Variants in LRRC27 observed in about 807,000 individuals in gnomAD.
LRRC27 encodes the protein leucine-rich repeat-containing protein 27.
A neutral mutation model predicts 55.0 loss-of-function variants in LRRC27; 57 were observed. That is an observed-to-expected ratio of 1.04 (90% CI 0.84 to 1.29). The LOEUF (loss-of-function observed/expected upper bound fraction) is 1.29, where lower values mean the gene tolerates loss of function less well. Ranked by LOEUF, LRRC27 falls within the 50% of genes most tolerant of loss-of-function variation. The pLI is 0.00. For synonymous variants in LRRC27, 278 were observed against 251.9 expected (o/e 1.10, Z -0.98); for missense variants, 721 against 651.5 (o/e 1.11, Z -1.16).
intron 1 of LRRC27, among the ~76,000 whole-genome samples, chr10:132,332,787 C>T (rs2066869937): frequency 6.6e-6 from 1 of 152,014 alleles, no homozygotes; most frequent in South Asian, 2.1e-4. Context: ...CCTCATATGC[C>T]AATCATTGGG....
At chr10:132,331,383 G>C, upstream of LRRC27, 1 of 1,542,464 alleles carries the variant, frequency 6.5e-7, no homozygotes. Flanking sequence ...CCTCCCGCCC[G>C]GTGTCATTTC....
At chr10:132,352,784 T>A in intron 7 of LRRC27, 2 of 1,365,570 alleles carry the variant, frequency 1.5e-6, no homozygotes, top group Non-Finnish European at 2.0e-6. Context: ...CCGGTTGCAG[T>A]GCTCGCGGTC....
intron 10 of LRRC27, among the ~76,000 whole-genome samples, chr10:132,368,208 G>A (rs1042085799): frequency 6.6e-6 from 1 of 152,188 alleles, no homozygotes; most frequent in South Asian, 2.1e-4. Flanking sequence ...TAAATGGACA[G>A]ATATTCCATG....
At position 132,364,750 on chromosome 10, in the gene LRRC27, CCACACT is replaced by C. The variant is rs1307259952; in HGVS notation, c.1290-673_1290-668del. On this transcript the variant is annotated intron_variant, in intron 9 of 10. Transcript: ENST00000368614. The stretch of plus-strand genomic sequence containing the variant: ...TCCACACTTACATCTACCTCCACGC[CCACACT>C]TACACTCATGCTTACATCTACCTCC... Among the ~76,000 whole-genome samples the C allele has an allele frequency of 1.4e-4, 16 of 114,694 alleles. No homozygotes were observed. In the South Asian group the frequency reaches 3.8e-3, roughly 27 times the overall value. 75.2% of individuals were successfully genotyped at this position (114,694 alleles called of 152,430 possible). A position where few individuals can be genotyped will look rare whatever the true frequency, so the allele number is the denominator to read the frequency against.
chr10:132,367,154 T>C (rs1483313722), intron 10 of LRRC27: 1 of 257,880 alleles, frequency 3.9e-6, no homozygotes. Flanking sequence ...TTGATAAATT[T>C]AGTGAAATAG....
chr10:132,365,529 G>A lies in LRRC27; in HGVS notation c.1395G>A (p.Lys465=), dbSNP rs1415043726. ...AGGCCCCACTGGAGGAGATGAGGAA[G>A]GCTGCCGAGGATCTGGAAATTGTAA... ...HGQAPLEEMR[K]AAEDLEIATE... The change falls in exon 10 of 11, where the codon AAG becomes AAA. Residue 465 remains lysine (K), a synonymous_variant. Coordinates refer to ENST00000368614, the MANE Select transcript of LRRC27 (RefSeq NM_030626.3). 2 of 1,613,538 alleles carry A rather than the reference G, an allele frequency of 1.2e-6. No homozygotes were observed. Among genetic ancestry groups the A allele is most frequent in the South Asian group, 1.1e-5 (1 of 91,062 alleles).
chr10:132,335,385 T>A (rs557049508), intron 2 of LRRC27: 4 of 125,306 alleles, frequency 3.2e-5, no homozygotes, highest in African/African-American at 1.3e-4. Context: ...ACTATGGGGG[T>A]CACAGTCTTC....
rs183054808 is a variant in LRRC27, at chr10:132,348,815, G to C, written c.926+459G>C. On this transcript the variant is annotated intron_variant, in intron 6 of 10. Transcript: ENST00000368614. The surrounding 1 kb of genome is among the most constrained non-coding windows in gnomAD (Gnocchi z 4.2). ...TTTTACCTGTGAAAAGAGAGGAGTT[G>C]GGGGAAAGGTCAGTTATGCAGAAAA... 31 of 615,770 alleles carry C rather than the reference G, an allele frequency of 5.0e-5. 1 individual carries two copies. The highest frequency in any genetic ancestry group is 3.0e-4 in the East Asian group (11 of 36,258). The allele number at this position is 615,770 out of a possible 1,614,324, so 38.1% of individuals were successfully genotyped here. A position where few individuals can be genotyped will look rare whatever the true frequency, so the allele number is the denominator to read the frequency against.
chr10:132,376,316 G>A lies in LRRC27; in HGVS notation c.*1074G>A, dbSNP rs1348878912. On this transcript the variant is annotated 3_prime_UTR_variant, in exon 11 of 11. Transcript: ENST00000368614. ...CTGCGCCCTGCACTTCGTACTTTCC[G>A]AGAGTTTAACTGGTGCTTAGAGAGA... 2 of 152,230 alleles carry A rather than the reference G, an allele frequency of 1.3e-5. No homozygotes were observed. Among genetic ancestry groups the A allele is most frequent in the Non-Finnish European group, 2.9e-5 (2 of 68,046 alleles). 9.4% of individuals were successfully genotyped at this position (152,230 alleles called of 1,614,324 possible). A position where few individuals can be genotyped will look rare whatever the true frequency, so the allele number is the denominator to read the frequency against.
upstream of LRRC27, among the ~76,000 whole-genome samples, chr10:132,331,200 CAA>C (rs35734065): frequency 0.17 from 9,432 of 55,902 alleles, 450 homozygotes; most frequent in African/African-American, 0.31. Context: ...GACTCCACCT[CAA>C]AAAAAAAAAA....
At chr10:132,353,424 C>T (rs532000627) in intron 7 of LRRC27, 17 of 1,020,746 alleles carry the variant, frequency 1.7e-5, no homozygotes, top group East Asian at 9.0e-5. Context: ...TGTTTTCTCT[C>T]GGGACCATGT....
Position 132,348,274 on chromosome 10 carries a change from C to G in LRRC27, c.844C>G (p.Leu282Val). 1 of 1,614,064 alleles carries G rather than the reference C, an allele frequency of 6.2e-7. No individual in the cohort carries two copies. The highest frequency in any genetic ancestry group is 1.3e-5 in the African/African-American group (1 of 75,044). The part of the protein sequence containing the change: ...HVKADVLGDQ[L>V]LTRELPPNLK... The stretch of plus-strand genomic sequence containing the variant: ...GAAGGCAGACGTTCTGGGAGATCAG[C>G]TCTTGACGAGGGAATTACCTCCAAA... The change falls in exon 6 of 11, where the codon CTC becomes GTC. Residue 282 changes from leucine (L) to valine (V), a missense_variant. Coordinates refer to ENST00000368614, the MANE Select transcript of LRRC27 (RefSeq NM_030626.3). This position sits in a 1 kb window ranked among gnomAD's most constrained non-coding sequence, Gnocchi z 4.2.
intron 8 of LRRC27, among the ~76,000 whole-genome samples, chr10:132,358,314 G>C (rs1189273164): frequency 1.4e-5 from 2 of 146,372 alleles, no homozygotes; most frequent in African/African-American, 4.9e-5. Flanking sequence ...GCGTGGGGAG[G>C]AGCCGAGGTG....
chr10:132,340,384 G>C (rs770939122), intron 3 of LRRC27, among the ~76,000 whole-genome samples: 1 of 152,094 alleles, frequency 6.6e-6, no homozygotes, highest in African/African-American at 2.4e-5. Context: ...AGGCAAAACC[G>C]AACCCAGCCC....
upstream of LRRC27, chr10:132,331,624 C>A: frequency 6.2e-7 from 1 of 1,612,918 alleles, no homozygotes; most frequent in Non-Finnish European, 8.5e-7. Context: ...GAAGGACAGG[C>A]AGCGAGGACC....
chr10:132,362,896 C>A, intron 9 of LRRC27, among the ~76,000 whole-genome samples: 2 of 132,172 alleles, frequency 1.5e-5, no homozygotes, highest in Non-Finnish European at 1.6e-5. Flanking sequence ...CCGGGGTTCA[C>A]CCCTCTCACC....
intron 8 of LRRC27, among the ~76,000 whole-genome samples, chr10:132,359,825 G>C (rs775465494): frequency 6.6e-6 from 1 of 152,220 alleles, no homozygotes; most frequent in Non-Finnish European, 1.5e-5. Flanking sequence ...TGGGCTTCAC[G>C]TCAGTGGCAT....
intron 10 of LRRC27, among the ~76,000 whole-genome samples, chr10:132,368,118 A>G (rs1448548922): frequency 1.3e-5 from 2 of 152,208 alleles, no homozygotes; most frequent in African/African-American, 4.8e-5. Flanking sequence ...CACCAAAACA[A>G]TGGTACTAAG....
rs945094084 is a variant in LRRC27, at chr10:132,355,701, C to T, written c.1074-89C>T. The T allele has an allele frequency of 4.1e-6, 4 of 979,998 alleles. No homozygotes were observed. In the African/African-American group the frequency reaches 6.5e-5, roughly 16 times the overall value. The allele number at this position is 979,998 out of a possible 1,614,324, so 60.7% of individuals were successfully genotyped here. ...AGCCTGTGCCCCCTGGAGACAGGTGCACCGCAAGGCTGTAGAATGACAGAG... is the reference window on the plus strand; with the variant it reads ...AGCCTGTGCCCCCTGGAGACAGGTGTACCGCAAGGCTGTAGAATGACAGAG... On this transcript the variant is annotated intron_variant, in intron 7 of 10. Transcript: ENST00000368614.
Sources: allele counts gnomAD v4.1 joint callset (sites outside exome capture counted in the v4.1 genomes callset), GRCh38; gene constraint gnomAD v4.1.1; non-coding constraint Gnocchi (gnomAD v3.1); transcripts MANE v1.5; gene names NCBI Gene and HGNC (gene_info 2026-07-23, HGNC 2026-07-21).